DZIP3: variants seen among roughly 807,000 people sequenced by gnomAD.
The protein encoded by DZIP3 is DAZ interacting zinc finger protein 3.
Under a neutral mutation model 162.0 loss-of-function variants are expected in DZIP3, and 118 were observed. The observed-to-expected ratio is 0.73, with a 90% CI of 0.63 to 0.85. The LOEUF (loss-of-function observed/expected upper bound fraction) is 0.85. Among genes scored for constraint, DZIP3 ranks in the 40% least tolerant of loss-of-function variants. DZIP3 has a pLI of 0.00. For missense variants in DZIP3, 1,331 were observed against 1,407.0 expected, an observed-to-expected ratio of 0.95 and a Z score of 0.86; for synonymous variants, 438 against 458.6, an observed-to-expected ratio of 0.96 and a Z score of 0.57.
At chr3:108,645,836 A>G (rs1942599584) in intron 14 of DZIP3, among the ~76,000 whole-genome samples, 2 of 152,238 alleles carry the variant, frequency 1.3e-5, no homozygotes, top group South Asian at 2.1e-4. Flanking sequence ...TTGATATATA[A>G]GAAAGTCAGG....
At chr3:108,632,441 G>T (rs1409171457) in intron 8 of DZIP3, among the ~76,000 whole-genome samples, 1 of 152,088 alleles carries the variant, frequency 6.6e-6, no homozygotes, top group Non-Finnish European at 1.5e-5. Context: ...ATTATATTCT[G>T]ATTTGTAACT....
chr3:108,635,893 T>C (rs1047437303), intron 10 of DZIP3, among the ~76,000 whole-genome samples: 1 of 151,802 alleles, frequency 6.6e-6, no homozygotes, highest in East Asian at 1.9e-4. Flanking sequence ...AGAAAGTGTA[T>C]TGAATATGGA....
intron 25 of DZIP3, among the ~76,000 whole-genome samples, chr3:108,676,426 A>C (rs13084166): frequency 0.23 from 35,080 of 152,086 alleles, 4,758 homozygotes; most frequent in Non-Finnish European, 0.31. Flanking sequence ...CTAACTTTTT[A>C]TGTAATTATT....
chr3:108,694,836 TTG>T lies in DZIP3; in HGVS notation c.*1484_*1485del, dbSNP rs1168442074. ...TTAGAAAAGAATAAATGTTTCTTAA[TTG>T]AACAACTATTTTATCTGTGTATTTC... On this transcript the variant is annotated 3_prime_UTR_variant, in exon 33 of 33. Coordinates refer to ENST00000361582, the MANE Select transcript of DZIP3 (RefSeq NM_014648.4). 5 of 152,226 alleles carry T rather than the reference TTG, an allele frequency of 3.3e-5. No individual in the cohort carries two copies. The highest frequency in any genetic ancestry group is 7.3e-5 in the Non-Finnish European group (5 of 68,036). 9.4% of individuals were successfully genotyped at this position (152,226 alleles called of 1,614,324 possible). A position where few individuals can be genotyped will look rare whatever the true frequency, so the allele number is the denominator to read the frequency against.
In DZIP3 at chr3:108,688,734, C is replaced by T; in HGVS notation, c.3412C>T (p.Pro1138Ser). The change falls in exon 30 of 33, where the codon CCA (proline) becomes TCA (serine). Residue 1138 changes from proline to serine, a missense_variant and splice_region_variant. By Grantham distance (74) the Pro-to-Ser change is moderately conservative. Around this residue, in one of 2 missense-constraint regions of DZIP3, gnomAD observed 53 missense variants for 89.9 expected, o/e 0.59. Coordinates refer to ENST00000361582, the MANE Select transcript of DZIP3 (RefSeq NM_014648.4). ...GPATWEGASNPDEEEEEEEPC... is the reference protein window; with the variant it reads ...GPATWEGASNSDEEEEEEEPC... ...TGCCACATGGGAAGGAGCCAGTAAT[C>T]CAGTGAGACTGAAATTTTTGATTCT... 1 of 1,613,796 alleles carries T rather than the reference C, an allele frequency of 6.2e-7. No individual in the cohort carries two copies.
At chr3:108,595,358 C>T (rs1939660664) in intron 1 of DZIP3, among the ~76,000 whole-genome samples, 1 of 152,102 alleles carries the variant, frequency 6.6e-6, no homozygotes, top group Non-Finnish European at 1.5e-5. Flanking sequence ...GCTGGGACTA[C>T]AGGCATGCAC....
intron 7 of DZIP3, among the ~76,000 whole-genome samples, chr3:108,627,300 A>C (rs778929262): frequency 5.3e-5 from 8 of 152,242 alleles, no homozygotes; most frequent in Non-Finnish European, 1.0e-4. Context: ...TAGAAAGTCC[A>C]GTTGTATGGC....
intron 18 of DZIP3, 67 bp downstream of exon 18, chr3:108,651,229 A>G: frequency 1.8e-6 from 1 of 548,592 alleles, no homozygotes; most frequent in Non-Finnish European, 2.5e-6. Flanking sequence ...TCCTAATATG[A>G]CACAGGCTTC....
intron 26 of DZIP3, among the ~76,000 whole-genome samples, chr3:108,677,877 G>T (rs561729617): frequency 6.6e-6 from 1 of 152,050 alleles, no homozygotes; most frequent in Non-Finnish European, 1.5e-5. Context: ...TACCTTGTGG[G>T]AGCTAAATAA....
chr3:108,593,225 T>C (rs1379070782), intron 1 of DZIP3, among the ~76,000 whole-genome samples: 1 of 152,244 alleles, frequency 6.6e-6, no homozygotes, highest in African/African-American at 2.4e-5. Context: ...TGCCAAGCAC[T>C]GTCCTAAGGA....
chr3:108,612,008 A>G (rs112443102), intron 4 of DZIP3, among the ~76,000 whole-genome samples: 1 of 152,300 alleles, frequency 6.6e-6, no homozygotes, highest in East Asian at 1.9e-4. Context: ...GCATTTTTAA[A>G]AATCATATCC....
At chr3:108,690,284 G>T (rs1944644669) in intron 31 of DZIP3, among the ~76,000 whole-genome samples, 1 of 152,100 alleles carries the variant, frequency 6.6e-6, no homozygotes, top group Non-Finnish European at 1.5e-5. Flanking sequence ...CAGCATTCAA[G>T]CAAGTGACTT....
In DZIP3 at chr3:108,684,269, A is replaced by G; in HGVS notation, c.2937A>G (p.Ile979Met). ...TGAAAGAATCTTTCTTTAGACCCAT[A>G]CTTACTGTTCCTCAAATGCCTGCAG... Reference protein sequence around the residue: ...PLVKESFFRPILTVPQMPAVC... With the variant: ...PLVKESFFRPMLTVPQMPAVC... Residue 979 changes from isoleucine (I) to methionine (M), a missense_variant, in exon 27 of 33, where the codon ATA becomes ATG. Coordinates refer to ENST00000361582, the MANE Select transcript of DZIP3 (RefSeq NM_014648.4). 6.2e-7 allele frequency: 1 copy of G among 1,613,326 alleles called. No individual in the cohort carries two copies. Among genetic ancestry groups the G allele is most frequent in the South Asian group, 1.1e-5 (1 of 91,030 alleles).
chr3:108,634,835 T>G (rs750510754), intron 9 of DZIP3, 36 bp from the exon 10 acceptor site: 1 of 1,372,662 alleles, frequency 7.3e-7, no homozygotes, highest in Non-Finnish European at 1.0e-6. Context: ...AGAATCACCA[T>G]GTCCTTATTG....
intron 19 of DZIP3, among the ~76,000 whole-genome samples, chr3:108,655,724 G>T (rs1943080360): frequency 6.6e-6 from 1 of 152,192 alleles, no homozygotes; most frequent in Admixed American, 6.5e-5. Context: ...GAAGCGCACG[G>T]GGTCAGGGAA....
chr3:108,651,223 A>T, intron 18 of DZIP3, 61 bp downstream of exon 18: 4 of 567,086 alleles, frequency 7.1e-6, no homozygotes, highest in Non-Finnish European at 9.7e-6. Context: ...ATACTTTCCT[A>T]ATATGACACA....
intron 28 of DZIP3, among the ~76,000 whole-genome samples, chr3:108,687,676 AT>A (rs1944545044): frequency 6.6e-6 from 1 of 152,224 alleles, no homozygotes; most frequent in Non-Finnish European, 1.5e-5. Flanking sequence ...GATAAACTTA[AT>A]TTTCACCTAG....
intron 3 of DZIP3, among the ~76,000 whole-genome samples, chr3:108,610,847 A>G (rs1245167761): frequency 6.6e-6 from 1 of 152,216 alleles, no homozygotes; most frequent in Admixed American, 6.5e-5. Flanking sequence ...ATTCTACTTT[A>G]CTACTTTGTT....
At chr3:108,658,245 G>A (rs1436939165) in intron 19 of DZIP3, among the ~76,000 whole-genome samples, 1 of 152,130 alleles carries the variant, frequency 6.6e-6, no homozygotes, top group East Asian at 1.9e-4. Flanking sequence ...TAGAAGTAAA[G>A]CACTCCTCAG....
Sources: allele counts gnomAD v4.1 joint callset (sites outside exome capture counted in the v4.1 genomes callset), GRCh38; gene constraint gnomAD v4.1.1; regional missense constraint gnomAD v4.1.1; transcripts MANE v1.5; gene names NCBI Gene and HGNC (gene_info 2026-07-23, HGNC 2026-07-21).